The following PTPN13 variants were observed in gnomAD, a reference collection of about 807,000 sequenced individuals.
PTPN13 encodes protein tyrosine phosphatase non-receptor type 13.
Under a neutral mutation model 284.0 loss-of-function variants are expected in PTPN13, and 191 were observed. The observed-to-expected ratio is 0.67, with a 90% confidence interval of 0.60 to 0.76. The LOEUF (loss-of-function observed/expected upper bound fraction) is 0.76, where lower values mean the gene tolerates loss of function less well. Among genes scored for constraint, PTPN13 ranks in the 30% least tolerant of loss-of-function variants. PTPN13 has a pLI of 0.00. For synonymous variants in PTPN13, 986 were observed against 1,022.3 expected, an observed-to-expected ratio of 0.96 and a Z score of 0.68; for missense variants, 2,797 against 2,939.9, an observed-to-expected ratio of 0.95 and a Z score of 1.12.
chr4:86,765,413 G>A lies in PTPN13; in HGVS notation c.4168G>A (p.Val1390Ile). The A allele has an allele frequency of 6.2e-7, 1 of 1,600,932 alleles. No homozygotes were observed. The highest frequency in any genetic ancestry group is 1.3e-5 in the African/African-American group (1 of 74,748). The change falls in exon 26 of 48, where the codon GTC (valine) becomes ATC (isoleucine). Residue 1390 changes from valine to isoleucine, a missense_variant. Val to Ile is a conservative substitution (Grantham distance 29). Coordinates refer to ENST00000411767, the MANE Select transcript of PTPN13 (RefSeq NM_080683.3). The part of the protein sequence containing the change: ...ISVTGGVNTS[V>I]RHGGIYVKAV... ...TCTTTAGGGAGGTGTGAATACGAGTGTCAGACATGGTGGCATTTATGTGAA... is the reference window on the plus strand; with the variant it reads ...TCTTTAGGGAGGTGTGAATACGAGTATCAGACATGGTGGCATTTATGTGAA...
chr4:86,741,538 G>A (rs1370629518), intron 15 of PTPN13, 96 bp from the exon 16 acceptor site: 1 of 1,079,664 alleles, frequency 9.3e-7, no homozygotes, highest in Non-Finnish European at 1.3e-6. Context: ...GATGAGATTT[G>A]TGGGGGGACA....
At chr4:86,660,528 T>C (rs901681365) in intron 2 of PTPN13, among the ~76,000 whole-genome samples, 1 of 152,156 alleles carries the variant, frequency 6.6e-6, no homozygotes, top group African/African-American at 2.4e-5. Flanking sequence ...AATTATTATA[T>C]TCCTTTTTAT....
rs548180054 is a variant in PTPN13, at chr4:86,732,593, C to T, written c.1685C>T (p.Thr562Ile). 81 of 1,610,726 alleles carry T rather than the reference C, an allele frequency of 5.0e-5. No individual in the cohort carries two copies. The highest frequency in any genetic ancestry group is 6.5e-5 in the Non-Finnish European group (77 of 1,178,108). ...TGCCGTTTATTTTTTCAATTGTAGACTAAGAAAGGGAAGAATGAGGATAAC... is the reference window on the plus strand; with the variant it reads ...TGCCGTTTATTTTTTCAATTGTAGATTAAGAAAGGGAAGAATGAGGATAAC... ...ISLDLPRSIL[T>I]KKGKNEDNRR... Residue 562 changes from threonine to isoleucine, a missense_variant and splice_region_variant, in exon 12 of 48, where the codon ACT (threonine) becomes ATT (isoleucine). Transcript: ENST00000411767.
At chr4:86,707,046 ATTACCAT>A (rs2149032740) in intron 7 of PTPN13, among the ~76,000 whole-genome samples, 1 of 152,182 alleles carries the variant, frequency 6.6e-6, no homozygotes, top group South Asian at 2.1e-4. Context: ...TTGTAATGTG[ATTACCAT>A]ACACGCCCTA....
intron 43 of PTPN13, among the ~76,000 whole-genome samples, chr4:86,804,350 C>T (rs1237073315): frequency 6.6e-6 from 1 of 152,104 alleles, no homozygotes; most frequent in East Asian, 1.9e-4. Context: ...TGACCTTGCC[C>T]CTCTTCCTCA....
intron 2 of PTPN13, among the ~76,000 whole-genome samples, chr4:86,643,352 G>T (rs1456152724): frequency 6.6e-6 from 1 of 152,140 alleles, no homozygotes; most frequent in African/African-American, 2.4e-5. Flanking sequence ...ATTTGGATCA[G>T]ATTGTAGAGA....
At chr4:86,701,043 G>A (rs1731098163) in intron 6 of PTPN13, among the ~76,000 whole-genome samples, 198 bp from the exon 7 acceptor site, 1 of 152,128 alleles carries the variant, frequency 6.6e-6, no homozygotes, top group Admixed American at 6.5e-5. Context: ...GATAAGAGAC[G>A]ATGAACTATG....
Position 86,772,875 on chromosome 4 carries a change from C to T in PTPN13, c.5266C>T (p.His1756Tyr). 1 of 1,612,372 alleles carries T rather than the reference C, an allele frequency of 6.2e-7. No homozygotes were observed. Among genetic ancestry groups the T allele is most frequent in the East Asian group, 2.2e-5 (1 of 44,836 alleles). The change falls in exon 32 of 48, where the codon CAT (histidine) becomes TAT (tyrosine). Residue 1756 changes from histidine (H) to tyrosine (Y), a missense_variant. Transcript: ENST00000411767. Reference protein sequence around the residue: ...SSSSMDKYHIHHISEPTRQEN... With the variant: ...SSSSMDKYHIYHISEPTRQEN... ...TAGTTCGATGGATAAGTATCATATA[C>T]ATCACATTTCTGAACCAACTAGACA...
In PTPN13 at chr4:86,677,577, T is replaced by G. The variant is rs538131567; in HGVS notation, c.294+5034T>G. ...ATCCATCTGCCTCGGCCTCCCACAG[T>G]GCTGGGATTACAGGCATGAGCCACT... On this transcript the variant is annotated intron_variant, in intron 3 of 47. Transcript: ENST00000411767. Among the ~76,000 whole-genome samples, 231 of 151,462 alleles carry G rather than the reference T, an allele frequency of 1.5e-3. 1 individual carries two copies. The highest frequency in any genetic ancestry group is 2.5e-3 in the Non-Finnish European group (169 of 67,868).
chr4:86,693,057 G>GCTTTTAAATATA lies in PTPN13; in HGVS notation c.547-530_547-529insCTTTTAAATATA, dbSNP rs747758050. On this transcript the variant is annotated intron_variant, in intron 5 of 47. Transcript: ENST00000411767. ...TCCTCCAACCTGGGTGACAGAGTGA[G>GCTTTTAAATATA]ACTCCGTTATATTTAAAAAAAAAAA... 2.4e-3 allele frequency among the ~76,000 whole-genome samples: 297 copies of GCTTTTAAATATA among 125,396 alleles called. 2 individuals are homozygous for GCTTTTAAATATA. The highest frequency in any genetic ancestry group is 4.0e-3 in the Non-Finnish European group (246 of 61,778). 82.3% of individuals were successfully genotyped at this position (125,396 alleles called of 152,430 possible).
chr4:86,794,774 C>A (rs981511086), intron 40 of PTPN13, among the ~76,000 whole-genome samples: 6 of 152,194 alleles, frequency 3.9e-5, no homozygotes, highest in African/African-American at 1.4e-4. Context: ...CTTTGACAAC[C>A]CTGACAAAAA....
In PTPN13 at chr4:86,750,653, C is replaced by T. The variant is rs573847252; in HGVS notation, c.2834C>T (p.Pro945Leu). The T allele has an allele frequency of 1.9e-5, 30 of 1,613,912 alleles. No individual in the cohort carries two copies. The highest frequency in any genetic ancestry group is 1.3e-4 in the South Asian group (12 of 91,072). Residue 945 changes from proline to leucine, a missense_variant, in exon 18 of 48, where the codon CCA (proline) becomes CTA (leucine). Coordinates refer to ENST00000411767, the MANE Select transcript of PTPN13 (RefSeq NM_080683.3). ...LSCSELSLYQ[P>L]LQNSSKEKND... ...TGCTCAGAGCTGTCGCTTTACCAGC[C>T]ATTGCAAAACAGTTCAAAAGAGAAG...
In PTPN13 at chr4:86,735,716, TGAAAAA is replaced by T; in HGVS notation, c.2277_2282del (p.Lys760_Glu761del). The T allele has an allele frequency of 1.9e-6, 3 of 1,610,898 alleles. No homozygotes were observed. Among genetic ancestry groups the T allele is most frequent in the Non-Finnish European group, 2.5e-6 (3 of 1,179,122 alleles). On this transcript the variant is annotated inframe_deletion, in exon 15 of 48. Transcript: ENST00000411767. Reference sequence around the variant, plus strand: ...TGCATAATACCTATGTGGGAGCTTCTGAAAAAGAGACAGAGTTAGAATTTTTAAAGG... The same window carrying T: ...TGCATAATACCTATGTGGGAGCTTCTGAGACAGAGTTAGAATTTTTAAAGG...
Position 86,725,020 on chromosome 4 carries a change from A to C in PTPN13, c.1608+2586A>C, listed in dbSNP as rs1272419123. Among the ~76,000 whole-genome samples the C allele has an allele frequency of 1.2e-4, 14 of 118,266 alleles. No homozygotes were observed. In the Admixed American group the frequency reaches 1.6e-3, roughly 13 times the overall value. The allele number at this position is 118,266 out of a possible 152,430, so 77.6% of individuals were successfully genotyped here. A position where few individuals can be genotyped will look rare whatever the true frequency, so the allele number is the denominator to read the frequency against. On this transcript the variant is annotated intron_variant, in intron 10 of 47. Coordinates refer to ENST00000411767, the MANE Select transcript of PTPN13 (RefSeq NM_080683.3). ...GTGTGATGTTTCCCGCCCCGTGTCC[A>C]TGTGTTCTCATTGTTCATTTCCCAC...
chr4:86,610,426 T>C (rs190346691), intron 1 of PTPN13, among the ~76,000 whole-genome samples: 9 of 152,306 alleles, frequency 5.9e-5, no homozygotes, highest in Non-Finnish European at 4.4e-5. Context: ...AAATGTTAGT[T>C]TGTTAGAATA....
chr4:86,701,455 A>G lies in PTPN13; in HGVS notation c.849A>G (p.Glu283=), dbSNP rs1731148736. Residue 283 remains glutamate, a synonymous_variant, in exon 7 of 48, where the codon GAA becomes GAG. Transcript: ENST00000411767. ...ACCAGTTCAAAACTAGTGGCCCAGAAAAAAAACCCATCCCTGGCATTGATG... is the reference window on the plus strand; with the variant it reads ...ACCAGTTCAAAACTAGTGGCCCAGAGAAAAAACCCATCCCTGGCATTGATG... ...SPYQFKTSGP[E]KKPIPGIDVL... The G allele has an allele frequency of 6.2e-7, 1 of 1,613,752 alleles. No homozygotes were observed. Among genetic ancestry groups the G allele is most frequent in the Admixed American group, 1.7e-5 (1 of 60,004 alleles).
chr4:86,713,483 T>C (rs1732665922), intron 7 of PTPN13, among the ~76,000 whole-genome samples: 1 of 152,166 alleles, frequency 6.6e-6, no homozygotes, highest in African/African-American at 2.4e-5. Flanking sequence ...AGGATTATTT[T>C]AAATTGTTTA....
At chr4:86,810,055 G>T in intron 46 of PTPN13, 71 bp downstream of exon 46, 1 of 1,248,880 alleles carries the variant, frequency 8.0e-7, no homozygotes, top group South Asian at 1.4e-5. Flanking sequence ...TTGATAATGT[G>T]TTGTGATCTT....
intron 2 of PTPN13, among the ~76,000 whole-genome samples, chr4:86,657,516 C>T (rs1458545976): frequency 6.6e-6 from 1 of 152,184 alleles, no homozygotes; most frequent in East Asian, 1.9e-4. Flanking sequence ...ACTAGGCTGC[C>T]TGGAGTTGAG....
Sources: allele counts gnomAD v4.1 joint callset (sites outside exome capture counted in the v4.1 genomes callset), GRCh38; gene constraint gnomAD v4.1.1; transcripts MANE v1.5; gene names NCBI Gene and HGNC (gene_info 2026-07-23, HGNC 2026-07-21).